Variants in SLC16A4 observed in about 807,000 individuals in gnomAD.
SLC16A4 encodes the protein probable monocarboxylate transporter 5.
SLC16A4 carries 39 observed loss-of-function variants against 47.9 expected under a neutral mutation model. That is an observed-to-expected ratio of 0.81 (90% CI 0.63 to 1.06). The LOEUF is 1.06. Among genes scored for constraint, SLC16A4 ranks in the 50% least tolerant of loss-of-function variants. The pLI is 0.00. For synonymous variants in SLC16A4, 189 were observed against 199.9 expected (o/e 0.95, Z 0.46); for missense variants, 524 against 573.8 (o/e 0.91, Z 0.89).
intron 8 of SLC16A4, chr1:110,370,319 C>G (rs1661619498): frequency 6.6e-6 from 1 of 152,154 alleles, no homozygotes; most frequent in Admixed American, 6.6e-5. Flanking sequence ...CACTCACCCC[C>G]AACCTCCAGA....
At chr1:110,381,978 G>A (rs1240804781) in intron 3 of SLC16A4, among the ~76,000 whole-genome samples, 183 bp from the exon 4 acceptor site, 1 of 152,146 alleles carries the variant, frequency 6.6e-6, no homozygotes, top group Non-Finnish European at 1.5e-5. Flanking sequence ...CACTATTTTA[G>A]TTTTTGGAAG....
rs541914119 is a variant in SLC16A4, at chr1:110,376,477, G to A, written c.1242+473C>T. Among the ~76,000 whole-genome samples the A allele has an allele frequency of 1.1e-4, 17 of 152,300 alleles. No individual in the cohort carries two copies. The East Asian group carries it at 2.9e-3, about 26-fold the overall frequency. On this transcript the variant is annotated intron_variant, in intron 7 of 8. Coordinates refer to ENST00000369779, the MANE Select transcript of SLC16A4 (RefSeq NM_004696.3). ...GGGTCGAGGACTTTGCGTCAGTTTA[G>A]GGTAAAAATGGAGAGGAAGTATAAA...
chr1:110,373,205 C>T (rs1026296033), intron 8 of SLC16A4, among the ~76,000 whole-genome samples: 6 of 152,096 alleles, frequency 3.9e-5, no homozygotes, highest in Non-Finnish European at 7.4e-5. Context: ...GGACATTAAA[C>T]ATGTTATAGT....
chr1:110,383,905 G>C (rs897750235), intron 2 of SLC16A4, among the ~76,000 whole-genome samples: 4 of 139,754 alleles, frequency 2.9e-5, no homozygotes, highest in Non-Finnish European at 4.6e-5. Context: ...TTCAGCCTAC[G>C]CATGGGAATG....
At chr1:110,366,285 G>C (rs1205709564) in intron 8 of SLC16A4, among the ~76,000 whole-genome samples, 1 of 151,986 alleles carries the variant, frequency 6.6e-6, no homozygotes, top group Non-Finnish European at 1.5e-5. Flanking sequence ...AGCCTCATGA[G>C]TTGCTGGGAT....
rs1394449628 is a variant in SLC16A4 at position 110,379,058 on chromosome 1, ACT to A, written c.823_824del (p.Ser275Ter). The A allele has an allele frequency of 1.9e-6, 3 of 1,613,996 alleles. No homozygotes were observed. The African/African-American group carries it at 4.0e-5, about 22-fold the overall frequency. On this transcript the variant is annotated frameshift_variant, in exon 6 of 9. Coordinates refer to ENST00000369779, the MANE Select transcript of SLC16A4 (RefSeq NM_004696.3). LOFTEE classifies it high-confidence loss of function. ...AAATAACCTTATCACTTTCTTCATC[ACT>A]CTTTAATAACAGTCTGTTCCTGTTA... is the stretch of plus-strand genomic sequence containing the variant. ...GPNRNRLLLK[S>X]DEESDKVISW...
chr1:110,367,893 A>G (rs981708834), intron 8 of SLC16A4, among the ~76,000 whole-genome samples: 10 of 151,836 alleles, frequency 6.6e-5, no homozygotes, highest in Non-Finnish European at 1.5e-4. Flanking sequence ...CAGTGGCGCA[A>G]TCTCCACTCA....
intron 5 of SLC16A4, 57 bp downstream of exon 5, chr1:110,380,925 G>T: frequency 6.7e-7 from 1 of 1,499,684 alleles, no homozygotes; most frequent in Non-Finnish European, 9.3e-7. Context: ...CTCAAAGGGA[G>T]AAAGCTGAAC....
intron 2 of SLC16A4, among the ~76,000 whole-genome samples, chr1:110,385,704 G>C (rs765371420): frequency 6.6e-6 from 1 of 152,138 alleles, no homozygotes; most frequent in Non-Finnish European, 1.5e-5. Context: ...AAGTGGTAGT[G>C]GTGAGGAAGA....
At chr1:110,383,751 C>T (rs1570653117) in intron 2 of SLC16A4, among the ~76,000 whole-genome samples, 1 of 150,476 alleles carries the variant, frequency 6.6e-6, no homozygotes, top group Non-Finnish European at 1.5e-5. Flanking sequence ...AATCTAGTCC[C>T]CAGGCAGGAA....
Position 110,382,836 on chromosome 1 carries a change from G to A in SLC16A4, c.218C>T (p.Ala73Val). ...GSIMSSLRFCAGPLVAIICDI... is the reference protein window; with the variant it reads ...GSIMSSLRFCVGPLVAIICDI... The stretch of plus-strand genomic sequence containing the variant: ...CAAGCTTATTGCCAGCTTTATACCT[G>A]CACAAAAACGAAGAGATGACATGAT... The change falls in exon 3 of 9, where the codon GCA becomes GTA. Residue 73 changes from alanine to valine, a missense_variant and splice_region_variant. Transcript: ENST00000369779. 6.3e-7 allele frequency: 1 copy of A among 1,598,614 alleles called. No homozygotes were observed. The highest frequency in any genetic ancestry group is 8.5e-7 in the Non-Finnish European group (1 of 1,169,986).
rs752790213 is a variant in SLC16A4, at chr1:110,363,804, CA to C, written c.1425del (p.Phe475LeufsTer12). ...TTTTTCCATCTTTCGGCCAATGGTA[CA>C]AAAAAAAAGGAAACTGAAGAGAGGA... ...CYLLSSVSFF[F>X]VPLAERWKNS... On this transcript the variant is annotated frameshift_variant, in exon 9 of 9. Transcript: ENST00000369779. LOFTEE classifies it high-confidence loss of function. The C allele has an allele frequency of 1.6e-4, 245 of 1,575,802 alleles. No individual in the cohort carries two copies. Among genetic ancestry groups the C allele is most frequent in the Admixed American group, 6.7e-4 (38 of 57,074 alleles).
chr1:110,383,818 T>G (rs1315222046), intron 2 of SLC16A4, among the ~76,000 whole-genome samples: 13 of 144,670 alleles, frequency 9.0e-5, no homozygotes, highest in East Asian at 8.3e-4. Flanking sequence ...TTTTTTTTTT[T>G]TTTTTTTTTT....
chr1:110,379,517 C>T (rs1330594247), intron 5 of SLC16A4, among the ~76,000 whole-genome samples, 161 bp from the exon 6 acceptor site: 1 of 151,198 alleles, frequency 6.6e-6, no homozygotes, highest in Non-Finnish European at 1.5e-5. Context: ...CTGCTGTATC[C>T]GTGTAATAAT....
At position 110,363,846 on chromosome 1, in the gene SLC16A4, A is replaced by C; in HGVS notation, c.1384T>G (p.Ser462Ala). The C allele has an allele frequency of 2.5e-6, 4 of 1,613,452 alleles. No homozygotes were observed. Among genetic ancestry groups the C allele is most frequent in the Non-Finnish European group, 3.4e-6 (4 of 1,179,734 alleles). The change falls in exon 9 of 9, where the codon TCT (serine) becomes GCT (alanine). Residue 462 changes from serine to alanine, a missense_variant. Ser to Ala is a moderately conservative substitution (Grantham distance 99, BLOSUM62 1). Coordinates refer to ENST00000369779, the MANE Select transcript of SLC16A4 (RefSeq NM_004696.3). ...GAAGAGAGGAGATAGCATATGCCAG[A>C]GAAGTAGAAAGAGCCATTGTATGTC... ...TQTYNGSFYF[S>A]GICYLLSSVS...
At chr1:110,376,919 T>A (rs748220392) in intron 7 of SLC16A4, 31 bp downstream of exon 7, 1 of 1,563,174 alleles carries the variant, frequency 6.4e-7, no homozygotes, top group African/African-American at 1.4e-5. Flanking sequence ...TACTAAATGG[T>A]TTAACAATGT....
intron 2 of SLC16A4, among the ~76,000 whole-genome samples, chr1:110,388,963 G>GCCTC: frequency 6.6e-6 from 1 of 152,338 alleles, no homozygotes; most frequent in East Asian, 1.9e-4. Context: ...ACACACCTAG[G>GCCTC]CCTCCCAAAG....
At chr1:110,376,843 AT>A in intron 7 of SLC16A4, 106 bp downstream of exon 7, 2 of 963,620 alleles carry the variant, frequency 2.1e-6, no homozygotes, top group South Asian at 3.4e-5. Flanking sequence ...CTTTGAAATG[AT>A]TTTTTAAGTT....
intron 2 of SLC16A4, among the ~76,000 whole-genome samples, chr1:110,387,730 T>C (rs138468657): frequency 1.4e-4 from 16 of 116,190 alleles, no homozygotes; most frequent in Non-Finnish European, 2.6e-4. Flanking sequence ...ACAGTGCCTA[T>C]TCTGCAAAGC....
Sources: gnomAD v4.1 joint callset for allele counts (sites outside exome capture counted in the v4.1 genomes callset) on GRCh38, gnomAD v4.1.1 for gene constraint, MANE v1.5 for transcripts, NCBI Gene and HGNC (gene_info 2026-07-23, HGNC 2026-07-21) for gene names.